Variants in PCDH11X observed in about 807,000 individuals in gnomAD.
PCDH11X encodes the protein protocadherin 11 X-linked.
In PCDH11X, 18 loss-of-function variants were observed where a neutral mutation model predicts 53.3. That is an observed-to-expected ratio of 0.34 (90% CI 0.23 to 0.50). PCDH11X has a LOEUF of 0.50. PCDH11X is among the 20% of genes least tolerant of loss of function. The pLI is 0.98. For synonymous variants in PCDH11X, 279 were observed against 393.3 expected (o/e 0.71, Z 3.44); for missense variants, 570 against 1,032.4 (o/e 0.55, Z 6.14).
intron 6 of PCDH11X, among the ~76,000 whole-genome samples, chrX:92,046,297 G>A (rs1286352512): frequency 8.9e-6 from 1 of 111,750 alleles, no homozygotes; most frequent in Non-Finnish European, 1.9e-5. Flanking sequence ...GTCTACTGGT[G>A]ATTTTTAAGC....
intron 9 of PCDH11X, among the ~76,000 whole-genome samples, chrX:92,452,463 GTATATATATA>G (rs763381982): frequency 0.038 from 1,692 of 44,716 alleles, 95 homozygotes; most frequent in African/African-American, 0.1. Context: ...GTGTGTGTGT[GTATATATATA>G]TATATATATA....
At position 92,147,815 on chromosome X, in the gene PCDH11X, C is replaced by CTTTCTTTCTT. The variant is rs1556065626; in HGVS notation, c.3034-53558_3034-53549dup. 5.4e-4 allele frequency among the ~76,000 whole-genome samples: 43 copies of CTTTCTTTCTT among 80,004 alleles called. 1 individual carries two copies. Among genetic ancestry groups the CTTTCTTTCTT allele is most frequent in the African/African-American group, 2.7e-3 (38 of 14,091 alleles). The allele number at this position is 80,004 out of a possible 115,157, so 69.5% of individuals were successfully genotyped here. On this transcript the variant is annotated intron_variant, in intron 6 of 10. Coordinates refer to ENST00000682573, the MANE Select transcript of PCDH11X (RefSeq NM_032968.5). ...TTTCCTTTCTTTTCTTCCTTCCTTT[C>CTTTCTTTCTT]TTTCTTTCTTTCTTTCTTTCTTTCT... is the stretch of plus-strand genomic sequence containing the variant.
chrX:92,108,889 T>A (rs2064441529), intron 6 of PCDH11X, among the ~76,000 whole-genome samples: 1 of 111,625 alleles, frequency 9.0e-6, no homozygotes, highest in African/African-American at 3.3e-5. Context: ...TCTATTATCA[T>A]TATAAGTTTT....
chrX:91,940,782 C>T (rs1247919458), intron 6 of PCDH11X, among the ~76,000 whole-genome samples: 1 of 107,058 alleles, frequency 9.3e-6, no homozygotes, highest in Admixed American at 1.0e-4. Context: ...ATACTCTTGC[C>T]TCAGCCTCCC....
chrX:91,796,857 A>G (rs765723988), intron 1 of PCDH11X, among the ~76,000 whole-genome samples: 1 of 111,848 alleles, frequency 8.9e-6, no homozygotes, highest in African/African-American at 3.2e-5. Flanking sequence ...AGACTTGCCT[A>G]AATGTACAAA....
Position 92,337,962 on chromosome X carries a change from T to C in PCDH11X, c.3145-49773T>C, listed in dbSNP as rs1399779032. 3.1e-4 allele frequency among the ~76,000 whole-genome samples: 34 copies of C among 111,463 alleles called. 1 individual carries two copies. Among genetic ancestry groups the C allele is most frequent in the African/African-American group, 1.1e-3 (33 of 30,718 alleles). ...ACATTATATTGTCCCCTCTTACATA[T>C]AAATTTCCATAACTAATAAATAGAA... On this transcript the variant is annotated intron_variant, in intron 8 of 10. Transcript: ENST00000682573.
chrX:92,009,657 G>C (rs2062655928), intron 6 of PCDH11X, among the ~76,000 whole-genome samples: 4 of 105,909 alleles, frequency 3.8e-5, no homozygotes, highest in Admixed American at 3.1e-4. Context: ...TAACTGATAT[G>C]CTATGAAACC....
intron 5 of PCDH11X, among the ~76,000 whole-genome samples, chrX:91,869,920 A>G (rs1356274173): frequency 8.9e-6 from 1 of 111,943 alleles, no homozygotes; most frequent in African/African-American, 3.2e-5. Flanking sequence ...GAAACAAGTA[A>G]AAAAGAGAAT....
intron 5 of PCDH11X, among the ~76,000 whole-genome samples, chrX:91,875,907 TATG>T: frequency 9.1e-6 from 1 of 110,192 alleles, no homozygotes; most frequent in East Asian, 2.8e-4. Context: ...ATATGATACT[TATG>T]ATGTTGTCTT....
At chrX:92,560,326 G>A (rs1326811358) in intron 10 of PCDH11X, among the ~76,000 whole-genome samples, 2 of 112,084 alleles carry the variant, frequency 1.8e-5, no homozygotes, top group African/African-American at 3.2e-5. Context: ...TGTTCCATGG[G>A]TGGTGGGTTC....
chrX:92,196,556 AG>A (rs750516832), intron 6 of PCDH11X, among the ~76,000 whole-genome samples: 14 of 111,486 alleles, frequency 1.3e-4, no homozygotes, highest in Non-Finnish European at 1.5e-4. Flanking sequence ...ACCCGTTCCC[AG>A]CACCCTCACT....
chrX:92,491,747 A>T (rs1391365923), intron 10 of PCDH11X, among the ~76,000 whole-genome samples: 3 of 110,833 alleles, frequency 2.7e-5, no homozygotes, highest in Non-Finnish European at 5.7e-5. Context: ...CCCTCTCCTT[A>T]CGCCTGATAA....
intron 6 of PCDH11X, among the ~76,000 whole-genome samples, chrX:91,916,109 T>C (rs1941554682): frequency 9.0e-6 from 1 of 110,616 alleles, no homozygotes; most frequent in Non-Finnish European, 1.9e-5. Context: ...ACAATGAAAT[T>C]TAAAAATTCT....
intron 8 of PCDH11X, among the ~76,000 whole-genome samples, chrX:92,307,327 A>G (rs1330518870): frequency 2.7e-5 from 3 of 111,196 alleles, no homozygotes; most frequent in Non-Finnish European, 5.7e-5. Flanking sequence ...CAAACAATGT[A>G]ATACACTACA....
intron 4 of PCDH11X, among the ~76,000 whole-genome samples, chrX:91,822,214 T>C (rs1401836173): frequency 1.8e-4 from 20 of 109,789 alleles, no homozygotes; most frequent in Non-Finnish European, 3.8e-4. Flanking sequence ...GGATTCTCTC[T>C]TTCTCTATTG....
intron 6 of PCDH11X, among the ~76,000 whole-genome samples, chrX:91,972,275 G>A (rs867118107): frequency 1.0e-3 from 100 of 97,857 alleles, no homozygotes; most frequent in Non-Finnish European, 1.8e-3. Flanking sequence ...CATGTCCTTC[G>A]CCCACTTTTT....
intron 6 of PCDH11X, among the ~76,000 whole-genome samples, chrX:92,088,109 A>G (rs1329666159): frequency 9.3e-6 from 1 of 107,838 alleles, no homozygotes; most frequent in Non-Finnish European, 1.9e-5. Context: ...TATTACAGCT[A>G]TATCCAGTAG....
chrX:91,838,369 A>G (rs1246577864), intron 5 of PCDH11X, among the ~76,000 whole-genome samples: 1 of 111,879 alleles, frequency 8.9e-6, no homozygotes, highest in Non-Finnish European at 1.9e-5. Context: ...TGATAAGCCT[A>G]AAGTAACTAT....
At chrX:91,885,395 A>G (rs933632622) in intron 6 of PCDH11X, among the ~76,000 whole-genome samples, 2 of 111,417 alleles carry the variant, frequency 1.8e-5, no homozygotes, top group African/African-American at 6.5e-5. Context: ...AGGTAGCAAG[A>G]TATACCTAGA....
Sources: allele counts gnomAD v4.1 joint callset (sites outside exome capture counted in the v4.1 genomes callset), GRCh38; gene constraint gnomAD v4.1.1; transcripts MANE v1.5; gene names NCBI Gene and HGNC (gene_info 2026-07-23, HGNC 2026-07-21).